Variants in GPC4 observed in about 807,000 individuals in gnomAD.
GPC4 encodes the protein glypican-4.
GPC4 carries 10 observed loss-of-function variants against 35.0 expected under a neutral mutation model. The observed-to-expected ratio is 0.29, with a 90% CI of 0.18 to 0.48. The LOEUF (loss-of-function observed/expected upper bound fraction) is 0.48, where lower values mean the gene tolerates loss of function less well. GPC4 is among the 20% of genes least tolerant of loss of function. GPC4 has a pLI of 0.99. For missense variants in GPC4, 322 were observed against 451.3 expected, an observed-to-expected ratio of 0.71 and a Z score of 2.60; for synonymous variants, 167 against 170.2, an observed-to-expected ratio of 0.98 and a Z score of 0.15.
chrX:133,344,819 G>A (rs2068485487), intron 1 of GPC4, among the ~76,000 whole-genome samples: 1 of 112,003 alleles, frequency 8.9e-6, no homozygotes, highest in Non-Finnish European at 1.9e-5. Flanking sequence ...TGCACCAGTG[G>A]GATTTTTAAG....
chrX:133,361,178 T>C (rs2015835470), intron 1 of GPC4, among the ~76,000 whole-genome samples: 1 of 111,222 alleles, frequency 9.0e-6, no homozygotes, highest in Non-Finnish European at 1.9e-5. Context: ...ACCTAAGAGG[T>C]GATTTATTAA....
chrX:133,327,862 G>A (rs1037903210), intron 2 of GPC4, among the ~76,000 whole-genome samples: 1 of 111,220 alleles, frequency 9.0e-6, no homozygotes, highest in Non-Finnish European at 1.9e-5. Context: ...GTTAATAAAT[G>A]CTTGAGAAAT....
chrX:133,410,970 G>A (rs2068810382), intron 1 of GPC4, among the ~76,000 whole-genome samples: 1 of 112,050 alleles, frequency 8.9e-6, no homozygotes, highest in South Asian at 3.7e-4. Context: ...CAGATTCATT[G>A]CAAAATCCAA....
At chrX:133,413,919 C>T (rs1480710559) in intron 1 of GPC4, among the ~76,000 whole-genome samples, 1 of 111,015 alleles carries the variant, frequency 9.0e-6, no homozygotes, top group Non-Finnish European at 1.9e-5. Context: ...CCCCATCCCA[C>T]CCCACCGGCG....
intron 1 of GPC4, among the ~76,000 whole-genome samples, chrX:133,359,539 T>C (rs1047236816): frequency 8.9e-6 from 1 of 111,795 alleles, no homozygotes; most frequent in Non-Finnish European, 1.9e-5. Context: ...GCAAAGGCTA[T>C]AGTAAGAGGC....
chrX:133,401,624 C>T (rs1386976301), intron 1 of GPC4, among the ~76,000 whole-genome samples: 2 of 112,041 alleles, frequency 1.8e-5, no homozygotes, highest in African/African-American at 3.2e-5. Context: ...AAAGAATACA[C>T]GAACATCTTC....
intron 1 of GPC4, among the ~76,000 whole-genome samples, chrX:133,388,520 T>C (rs1474007980): frequency 9.0e-6 from 1 of 110,919 alleles, no homozygotes; most frequent in Non-Finnish European, 1.9e-5. Context: ...GTAGAAGTAA[T>C]AAAACCAACA....
intron 1 of GPC4, among the ~76,000 whole-genome samples, chrX:133,408,669 T>C (rs1229680463): frequency 9.4e-6 from 1 of 106,033 alleles, no homozygotes; most frequent in Non-Finnish European, 2.0e-5. Flanking sequence ...GAGGCGGAGG[T>C]TGCGGAGAGC....
intron 1 of GPC4, among the ~76,000 whole-genome samples, chrX:133,345,002 T>C (rs1344862403): frequency 1.8e-5 from 2 of 112,803 alleles, no homozygotes; most frequent in Non-Finnish European, 3.7e-5. Flanking sequence ...TGATTTTGCA[T>C]TGGCCTTTCT....
At chrX:133,392,637 T>C (rs771657849) in intron 1 of GPC4, among the ~76,000 whole-genome samples, 25 of 98,500 alleles carry the variant, frequency 2.5e-4, no homozygotes, top group Non-Finnish European at 4.4e-4. Context: ...CTTCAGGCTT[T>C]ATTGGCAAAC....
intron 1 of GPC4, among the ~76,000 whole-genome samples, chrX:133,385,368 G>C (rs910498826): frequency 8.9e-6 from 1 of 112,209 alleles, no homozygotes; most frequent in East Asian, 2.8e-4. Flanking sequence ...AAGAAACACC[G>C]AAGAATTCAG....
intron 3 of GPC4, among the ~76,000 whole-genome samples, chrX:133,323,269 A>G (rs1481623455): frequency 1.8e-5 from 2 of 111,882 alleles, no homozygotes; most frequent in Non-Finnish European, 1.9e-5. Flanking sequence ...ATTTGAGGCC[A>G]GGAGTTCGAG....
intron 1 of GPC4, among the ~76,000 whole-genome samples, chrX:133,357,271 C>A (rs745518971): frequency 2.8e-5 from 3 of 108,163 alleles, no homozygotes; most frequent in African/African-American, 1.0e-4. Flanking sequence ...GTAGTTCCAG[C>A]TACTCGGGAG....
At chrX:133,371,876 A>T (rs767012638) in intron 1 of GPC4, among the ~76,000 whole-genome samples, 1 of 111,332 alleles carries the variant, frequency 9.0e-6, no homozygotes, top group African/African-American at 3.3e-5. Flanking sequence ...ATTTCATTGA[A>T]ATGAGTGCTG....
chrX:133,369,600 G>A lies in GPC4; in HGVS notation c.161-30259C>T, dbSNP rs558696604. The stretch of plus-strand genomic sequence containing the variant: ...ATGAATTTAAACTGAATTAAACACC[G>A]AAGTATTCACAAAGCTTTCTTTGCA... On this transcript the variant is annotated intron_variant, in intron 1 of 8. Transcript: ENST00000370828. Among the ~76,000 whole-genome samples the A allele has an allele frequency of 7.0e-4, 78 of 112,138 alleles. No homozygotes were observed. The South Asian group carries it at 0.012, about 18-fold the overall frequency.
At chrX:133,354,556 A>T (rs866368598) in intron 1 of GPC4, among the ~76,000 whole-genome samples, 7 of 91,311 alleles carry the variant, frequency 7.7e-5, no homozygotes, top group African/African-American at 3.1e-4. Flanking sequence ...TTATTTATTT[A>T]TTTATTTATT....
At chrX:133,323,790 ATGTT>A (rs1400482478) in intron 3 of GPC4, among the ~76,000 whole-genome samples, 2 of 112,165 alleles carry the variant, frequency 1.8e-5, no homozygotes, top group African/African-American at 3.2e-5. Flanking sequence ...CTGTGTGTGT[ATGTT>A]TGTTTGTGCA....
intron 2 of GPC4, among the ~76,000 whole-genome samples, chrX:133,338,465 G>A (rs1339359148): frequency 8.9e-6 from 1 of 111,981 alleles, no homozygotes; most frequent in Non-Finnish European, 1.9e-5. Flanking sequence ...TTTAAAGTCT[G>A]TTATCTGTAC....
intron 1 of GPC4, among the ~76,000 whole-genome samples, chrX:133,388,131 G>A (rs772905582): frequency 8.9e-6 from 1 of 111,953 alleles, no homozygotes; most frequent in Non-Finnish European, 1.9e-5. Flanking sequence ...GTAGGTGGCA[G>A]GCTAGAATAT....
Sources: gnomAD v4.1 joint callset for allele counts (sites outside exome capture counted in the v4.1 genomes callset) on GRCh38, gnomAD v4.1.1 for gene constraint, MANE v1.5 for transcripts, NCBI Gene and HGNC (gene_info 2026-07-23, HGNC 2026-07-21) for gene names.